ABCA3: variants seen among roughly 807,000 people sequenced by gnomAD.
ABCA3 encodes the protein phospholipid-transporting ATPase ABCA3.
In ABCA3, 88 loss-of-function variants were observed where a neutral mutation model predicts 172.8. The observed-to-expected ratio is 0.51, with a 90% confidence interval of 0.43 to 0.61. The LOEUF (loss-of-function observed/expected upper bound fraction) is 0.61, where lower values mean the gene tolerates loss of function less well. Among genes scored for constraint, ABCA3 ranks in the 20% least tolerant of loss-of-function variants. ABCA3 has a pLI of 0.00. For missense variants in ABCA3, 2,164 were observed against 2,301.0 expected, an observed-to-expected ratio of 0.94 and a Z score of 1.22; for synonymous variants, 1,066 against 983.8, an observed-to-expected ratio of 1.08 and a Z score of -1.56.
At chr16:2,325,958 G>A in intron 5 of ABCA3, 52 bp downstream of exon 5, 1 of 1,608,220 alleles carries the variant, frequency 6.2e-7, no homozygotes. Context: ...TGCCTGCCCA[G>A]CCGCGTGGAG....
At chr16:2,329,260 G>T (rs1267731945) in intron 2 of ABCA3, among the ~76,000 whole-genome samples, 1 of 152,112 alleles carries the variant, frequency 6.6e-6, no homozygotes, top group Admixed American at 6.6e-5. Flanking sequence ...AAAGTCAGTT[G>T]CTGATGATGA....
In ABCA3 at chr16:2,317,877, C is replaced by T. The variant is rs323065; in HGVS notation, c.874-113G>A. On this transcript the variant is annotated intron_variant, in intron 8 of 32. Transcript: ENST00000301732. ...CCGACTGTCCCAGCAGCCCTGCATT[C>T]GACAGGGTCTTACTATGTCGGCCAG... is the stretch of plus-strand genomic sequence containing the variant. 147,646 of 921,922 alleles carry T rather than the reference C, an allele frequency of 0.16. 13,071 individuals carry two copies. The highest frequency in any genetic ancestry group is 0.21 in the African/African-American group (13,234 of 61,820). 57.1% of individuals were successfully genotyped at this position (921,922 alleles called of 1,614,324 possible). A position where few individuals can be genotyped will look rare whatever the true frequency, so the allele number is the denominator to read the frequency against.
intron 19 of ABCA3, among the ~76,000 whole-genome samples, chr16:2,290,755 G>C (rs1006095743): frequency 1.3e-5 from 2 of 152,174 alleles, no homozygotes; most frequent in African/African-American, 4.8e-5. Context: ...CTGGACACAT[G>C]GTCCCCTGCA....
intron 12 of ABCA3, among the ~76,000 whole-genome samples, chr16:2,302,710 C>T (rs765607598): frequency 1.6e-4 from 24 of 151,618 alleles, no homozygotes; most frequent in Non-Finnish European, 3.1e-4. Context: ...GTCTCTAACT[C>T]CTGGCCTCAA....
chr16:2,324,344 G>A (rs576662971), intron 6 of ABCA3, 60 bp downstream of exon 6: 12 of 1,540,052 alleles, frequency 7.8e-6, no homozygotes, highest in African/African-American at 2.7e-5. Flanking sequence ...CTAGTGACGC[G>A]GGAGGAAGCG....
At position 2,324,410 on chromosome 16, in the gene ABCA3, C is replaced by T. The variant is rs766393272; in HGVS notation, c.441G>A (p.Pro147=). 26 of 1,597,368 alleles carry T rather than the reference C, an allele frequency of 1.6e-5. No homozygotes were observed. The highest frequency in any genetic ancestry group is 4.5e-5 in the East Asian group (2 of 44,588). ...GCCCGGCCGCACGTCTCACCGCCAG[C>T]GGCAGGGGCTCCTTGCTGTGGTTGA... ...HPFNHSKEPL[P]LAVKYHLRFS... Residue 147 remains proline, a synonymous_variant, in exon 6 of 33, where the codon CCG becomes CCA. Transcript: ENST00000301732.
chr16:2,307,827 G>T (rs895672871), intron 11 of ABCA3, among the ~76,000 whole-genome samples: 3 of 151,992 alleles, frequency 2.0e-5, no homozygotes, highest in African/African-American at 7.2e-5. Flanking sequence ...GGATGGTCTC[G>T]ATCTCCTGAC....
chr16:2,306,747 G>A (rs1279437151), intron 11 of ABCA3, among the ~76,000 whole-genome samples: 1 of 152,134 alleles, frequency 6.6e-6, no homozygotes, highest in Non-Finnish European at 1.5e-5. Flanking sequence ...AAAAGTGGGC[G>A]GCTCACGCCT....
Position 2,328,740 on chromosome 16 carries a change from T to C in ABCA3, c.-314A>G, listed in dbSNP as rs1418514736. On this transcript the variant is annotated 5_prime_UTR_variant, in exon 3 of 33. Coordinates refer to ENST00000301732, the MANE Select transcript of ABCA3 (RefSeq NM_001089.3). ...GTGGAAGAGTTTCAGGTTCAGTTGC[T>C]CAGCTCCACACTCATGGCTGATCCA... 1.4e-5 allele frequency: 5 copies of C among 346,052 alleles called. No individual in the cohort carries two copies. The East Asian group carries it at 3.7e-4, about 26-fold the overall frequency. The allele number at this position is 346,052 out of a possible 1,614,324, so 21.4% of individuals were successfully genotyped here.
intron 12 of ABCA3, among the ~76,000 whole-genome samples, chr16:2,301,604 G>T (rs2093689580): frequency 6.6e-6 from 1 of 152,024 alleles, no homozygotes; most frequent in East Asian, 1.9e-4. Context: ...CAGCTACTCA[G>T]GAGGCTGAGG....
In ABCA3 at chr16:2,278,184, C is replaced by A; in HGVS notation, c.4718+104G>T. 1.9e-6 allele frequency: 3 copies of A among 1,594,970 alleles called. No individual in the cohort carries two copies. In the East Asian group the frequency reaches 6.7e-5, roughly 36 times the overall value. ...TGATACCCATGCTCAGTGTGGCTCA[C>A]GGGCAGACTCTGCACCAGATGCTGA... On this transcript the variant is annotated intron_variant, in intron 30 of 32. Transcript: ENST00000301732. The surrounding 1 kb of genome is among the most constrained non-coding windows in gnomAD (Gnocchi z 4.4).
At position 2,278,866 on chromosome 16, in the gene ABCA3, G is replaced by T. The variant is rs554203666; in HGVS notation, c.4547+77C>A. On this transcript the variant is annotated intron_variant, in intron 29 of 32. Transcript: ENST00000301732. The surrounding 1 kb of genome is among the most constrained non-coding windows in gnomAD (Gnocchi z 4.4). ...AGGAGCTCTGGCTGCTGACCTGAGC[G>T]GTCACTCCCAGCTCTATGCTATGGG... 26 of 1,590,832 alleles carry T rather than the reference G, an allele frequency of 1.6e-5. No homozygotes were observed. In the East Asian group the frequency reaches 5.8e-4, roughly 36 times the overall value.
intron 12 of ABCA3, among the ~76,000 whole-genome samples, chr16:2,302,159 G>A (rs866788357): frequency 2.6e-5 from 4 of 152,128 alleles, no homozygotes; most frequent in Admixed American, 6.6e-5. Flanking sequence ...AAATATGTGG[G>A]TAAATCTCTG....
rs1053557024 is a variant in ABCA3, at chr16:2,315,249, A to C, written c.1111+2034T>G. ...ACACACACACACACACACACAGCAA[A>C]GTCTGATGAGATATTACCCGAAATC... On this transcript the variant is annotated intron_variant, in intron 10 of 32. Transcript: ENST00000301732. Among the ~76,000 whole-genome samples, 6 of 148,140 alleles carry C rather than the reference A, an allele frequency of 4.1e-5. No homozygotes were observed. In the East Asian group the frequency reaches 9.9e-4, roughly 24 times the overall value.
In ABCA3 at chr16:2,323,686, C is replaced by T. The variant is rs74002800; in HGVS notation, c.450G>A (p.Val150=). The change falls in exon 7 of 33, where the codon GTG becomes GTA. Residue 150 remains valine, a splice_region_variant and synonymous_variant. Coordinates refer to ENST00000301732, the MANE Select transcript of ABCA3 (RefSeq NM_001089.3). The part of the protein sequence containing the change: ...NHSKEPLPLA[V]KYHLRFSYTR... ...TGTAACTGAACCGTAGGTGATATTT[C>T]ACCTGTGGAAACAAAGAGAAAACCA... The T allele has an allele frequency of 6.5e-3, 10,556 of 1,614,074 alleles. 575 individuals carry two copies. The African/African-American group carries it at 0.12, about 19-fold the overall frequency.
intron 10 of ABCA3, 41 bp from the exon 11 acceptor site, chr16:2,308,664 C>A (rs2093701820): frequency 6.2e-7 from 1 of 1,610,810 alleles, no homozygotes; most frequent in Non-Finnish European, 8.5e-7. Flanking sequence ...AGCGTCAGTG[C>A]CCTCAAAAGG....
At chr16:2,324,254 A>C in intron 6 of ABCA3, 150 bp downstream of exon 6, 1 of 1,211,010 alleles carries the variant, frequency 8.3e-7, no homozygotes, top group Non-Finnish European at 1.1e-6. Flanking sequence ...TGATGATATT[A>C]TCAGACCCAA....
chr16:2,297,182 T>C lies in ABCA3; in HGVS notation c.2263+147A>G. 1 of 836,908 alleles carries C rather than the reference T, an allele frequency of 1.2e-6. No homozygotes were observed. Among genetic ancestry groups the C allele is most frequent in the Non-Finnish European group, 1.9e-6 (1 of 513,760 alleles). The allele number at this position is 836,908 out of a possible 1,614,324, so 51.8% of individuals were successfully genotyped here. A position where few individuals can be genotyped will look rare whatever the true frequency, so the allele number is the denominator to read the frequency against. On this transcript the variant is annotated intron_variant, in intron 17 of 32. Coordinates refer to ENST00000301732, the MANE Select transcript of ABCA3 (RefSeq NM_001089.3). This position sits in a 1 kb window ranked among gnomAD's most constrained non-coding sequence, Gnocchi z 5.6. ...CCCTCTCACAAGCCCCCCTGCCTGG[T>C]TGGGCTCTCCACCCAGAGGCAACAG...
At chr16:2,282,618 CCTGGGCACCACCTCTGCTCAGCAGGA>C (rs1282725666) in intron 26 of ABCA3, among the ~76,000 whole-genome samples, 2 of 151,368 alleles carry the variant, frequency 1.3e-5, no homozygotes, top group East Asian at 3.9e-4. Context: ...ACTGGGTGTC[CCTGGGCACCACCTCTGCTCAGCAGGA>C]CTGGGCACCC....
Sources: allele counts gnomAD v4.1 joint callset (sites outside exome capture counted in the v4.1 genomes callset), GRCh38; gene constraint gnomAD v4.1.1; non-coding constraint Gnocchi (gnomAD v3.1); transcripts MANE v1.5; gene names NCBI Gene and HGNC (gene_info 2026-07-23, HGNC 2026-07-21).